The following SLC25A33 variants were observed in gnomAD, a reference collection of about 807,000 sequenced individuals.
SLC25A33 encodes the protein bone marrow stromal cell mitochondrial carrier protein.
Under a neutral mutation model 35.5 loss-of-function variants are expected in SLC25A33, and 15 were observed. That is an observed-to-expected ratio of 0.42 (90% CI 0.28 to 0.65). SLC25A33 has a LOEUF of 0.65. SLC25A33 is among the 30% of genes least tolerant of loss of function. The pLI is 0.20. For missense variants in SLC25A33, 257 were observed against 398.5 expected, an observed-to-expected ratio of 0.64 and a Z score of 3.02; for synonymous variants, 136 against 148.7, an observed-to-expected ratio of 0.91 and a Z score of 0.62.
intron 5 of SLC25A33, 54 bp downstream of exon 5, chr1:9,573,466 C>G (rs1643618186): frequency 6.9e-7 from 1 of 1,442,162 alleles, no homozygotes; most frequent in African/African-American, 1.4e-5. Flanking sequence ...ATTTTTTTTT[C>G]TTGCCCCAAT....
intron 1 of SLC25A33, among the ~76,000 whole-genome samples, chr1:9,541,143 G>T (rs1643073478): frequency 6.6e-6 from 1 of 150,648 alleles, no homozygotes; most frequent in Admixed American, 6.6e-5. Context: ...ACCAAGCCTG[G>T]CTAATTTTTT....
Position 9,572,300 on chromosome 1 carries a change from G to T in SLC25A33, c.416-1046G>T, listed in dbSNP as rs1643600574. ...CTTAGAACCCTTGATAAATAAAGCA[G>T]ACCTCAAGGAAGTTCTTAAAACCAG... On this transcript the variant is annotated intron_variant, in intron 4 of 6. Coordinates refer to ENST00000302692, the MANE Select transcript of SLC25A33 (RefSeq NM_032315.3). 3.3e-5 allele frequency among the ~76,000 whole-genome samples: 5 copies of T among 152,164 alleles called. No individual in the cohort carries two copies. In the South Asian group the frequency reaches 1.0e-3, roughly 32 times the overall value.
intron 5 of SLC25A33, chr1:9,576,418 ACTG>A: frequency 9.9e-5 from 37 of 373,778 alleles, no homozygotes; most frequent in Admixed American, 2.7e-4. Flanking sequence ...TGCCGTGTCT[ACTG>A]TGAAAATGAA....
At chr1:9,563,488 AT>A (rs1016755342) in intron 2 of SLC25A33, among the ~76,000 whole-genome samples, 2 of 152,154 alleles carry the variant, frequency 1.3e-5, no homozygotes, top group African/African-American at 4.8e-5. Context: ...AAACTTTAAC[AT>A]TATCCAGTAT....
chr1:9,568,892 T>C (rs1436293840), intron 3 of SLC25A33, among the ~76,000 whole-genome samples: 1 of 151,454 alleles, frequency 6.6e-6, no homozygotes, highest in East Asian at 2.0e-4. Context: ...ATGAGAATGT[T>C]GTCTTATATA....
intron 2 of SLC25A33, among the ~76,000 whole-genome samples, chr1:9,555,099 C>T (rs1443523698): frequency 6.9e-6 from 1 of 145,952 alleles, no homozygotes; most frequent in Non-Finnish European, 1.5e-5. Context: ...TTAAAAACAA[C>T]GCATTTAGCA....
chr1:9,566,561 G>T (rs1643508584), intron 2 of SLC25A33, among the ~76,000 whole-genome samples: 1 of 152,226 alleles, frequency 6.6e-6, no homozygotes, highest in Non-Finnish European at 1.5e-5. Context: ...TTCCTCCTGT[G>T]TTGGGCCGGG....
Position 9,566,457 on chromosome 1 carries a change from T to G in SLC25A33, c.237-827T>G, listed in dbSNP as rs140777819. On this transcript the variant is annotated intron_variant, in intron 2 of 6. Transcript: ENST00000302692. ...GAACCTGTTTCTCAGTGAATCTTAT[T>G]ATGATGAGGAAATTATTCCCTGTGT... Among the ~76,000 whole-genome samples, 413 of 152,328 alleles carry G rather than the reference T, an allele frequency of 2.7e-3. 2 individuals carry two copies. Among genetic ancestry groups the G allele is most frequent in the Non-Finnish European group, 4.8e-3 (328 of 68,038 alleles).
At chr1:9,554,921 T>G (rs1012780836) in intron 2 of SLC25A33, among the ~76,000 whole-genome samples, 1 of 152,138 alleles carries the variant, frequency 6.6e-6, no homozygotes, top group Admixed American at 6.5e-5. Context: ...TACTTTGAGA[T>G]GCTCTATAAT....
intron 2 of SLC25A33, among the ~76,000 whole-genome samples, chr1:9,554,723 C>G (rs1292322730): frequency 6.6e-6 from 1 of 152,034 alleles, no homozygotes; most frequent in Non-Finnish European, 1.5e-5. Context: ...ATAAAATGGG[C>G]TTTAAAATTT....
At position 9,578,426 on chromosome 1, in the gene SLC25A33, C is replaced by G. The variant is rs950062215; in HGVS notation, c.483-1528C>G. Among the ~76,000 whole-genome samples the G allele has an allele frequency of 6.6e-6, 1 of 152,244 alleles. No homozygotes were observed. Among genetic ancestry groups the G allele is most frequent in the Non-Finnish European group, 1.5e-5 (1 of 68,048 alleles). On this transcript the variant is annotated intron_variant, in intron 5 of 6. Transcript: ENST00000302692. The surrounding 1 kb of genome is among the most constrained non-coding windows in gnomAD (Gnocchi z 4.3). ...ACACCTAACTACACTCATCTGGTGG[C>G]TCACTCTTGCCTTGCAGCCAGGCAG...
At position 9,539,525 on chromosome 1, in the gene SLC25A33, G is replaced by C. The variant is rs895573434; in HGVS notation, c.-167G>C. 9 of 335,474 alleles carry C rather than the reference G, an allele frequency of 2.7e-5. No homozygotes were observed. The highest frequency in any genetic ancestry group is 2.0e-3 in the Middle Eastern group (2 of 1,022). 20.8% of individuals were successfully genotyped at this position (335,474 alleles called of 1,614,324 possible). A position where few individuals can be genotyped will look rare whatever the true frequency, so the allele number is the denominator to read the frequency against. On this transcript the variant is annotated 5_prime_UTR_variant, in exon 1 of 7. Transcript: ENST00000302692. ...AGGCGCCGGCGGCCACGCCGCGGAAGGCGCGGGCCGAGCAGAGCCGGGCGT... is the reference window on the plus strand; with the variant it reads ...AGGCGCCGGCGGCCACGCCGCGGAACGCGCGGGCCGAGCAGAGCCGGGCGT...
intron 2 of SLC25A33, among the ~76,000 whole-genome samples, chr1:9,560,886 T>A (rs1232479107): frequency 6.6e-6 from 1 of 151,174 alleles, no homozygotes; most frequent in Non-Finnish European, 1.5e-5. Context: ...TTAAAAAAAA[T>A]AAAAATCTTC....
intron 5 of SLC25A33, 105 bp from the exon 6 acceptor site, chr1:9,579,849 T>C: frequency 7.5e-7 from 1 of 1,327,494 alleles, no homozygotes; most frequent in Non-Finnish European, 1.0e-6. Context: ...GAAACAAGTA[T>C]CCTAACACCA....
intron 1 of SLC25A33, among the ~76,000 whole-genome samples, chr1:9,553,217 T>G (rs1291401362): frequency 0.01 from 1,429 of 137,676 alleles, 28 homozygotes; most frequent in African/African-American, 0.036. Context: ...TTTTTTTTTT[T>G]TTTTTTTTTT....
chr1:9,568,405 C>T (rs1369465968), intron 3 of SLC25A33, among the ~76,000 whole-genome samples: 3 of 152,144 alleles, frequency 2.0e-5, no homozygotes, highest in African/African-American at 7.2e-5. Context: ...GATCATGCCG[C>T]TTCACTGCAG....
intron 5 of SLC25A33, among the ~76,000 whole-genome samples, chr1:9,574,939 T>A (rs759755662): frequency 5.9e-5 from 9 of 151,948 alleles, no homozygotes; most frequent in African/African-American, 2.2e-4. Context: ...GTAGGCCGGG[T>A]GCGGTGGCTC....
chr1:9,577,619 G>C (rs1481694073), intron 5 of SLC25A33, among the ~76,000 whole-genome samples: 1 of 152,194 alleles, frequency 6.6e-6, no homozygotes. Flanking sequence ...AGGAGCAGGG[G>C]AGCCCGATCC....
At position 9,578,683 on chromosome 1, in the gene SLC25A33, C is replaced by G. The variant is rs1409035730; in HGVS notation, c.483-1271C>G. Among the ~76,000 whole-genome samples, 1 of 152,106 alleles carries G rather than the reference C, an allele frequency of 6.6e-6. No individual in the cohort carries two copies. The highest frequency in any genetic ancestry group is 2.4e-5 in the African/African-American group (1 of 41,424). ...ATAGAGCCTCACTACATTGGCCAGGCTGGTCTTGAACTCCTGGCCTCAAGC... is the reference window on the plus strand; with the variant it reads ...ATAGAGCCTCACTACATTGGCCAGGGTGGTCTTGAACTCCTGGCCTCAAGC... On this transcript the variant is annotated intron_variant, in intron 5 of 6. Coordinates refer to ENST00000302692, the MANE Select transcript of SLC25A33 (RefSeq NM_032315.3). The surrounding 1 kb of genome is among the most constrained non-coding windows in gnomAD (Gnocchi z 4.3).
Sources: allele counts gnomAD v4.1 joint callset (sites outside exome capture counted in the v4.1 genomes callset), GRCh38; gene constraint gnomAD v4.1.1; non-coding constraint Gnocchi (gnomAD v3.1); transcripts MANE v1.5; gene names NCBI Gene and HGNC (gene_info 2026-07-23, HGNC 2026-07-21).